The following UNC13C variants were observed in gnomAD, a reference collection of about 807,000 sequenced individuals.
UNC13C encodes unc-13 homolog C, also known as protein unc-13 homolog C.
In UNC13C, 174 loss-of-function variants were observed where a neutral mutation model predicts 245.4. The observed-to-expected ratio is 0.71, with a 90% CI of 0.63 to 0.80. The LOEUF (loss-of-function observed/expected upper bound fraction) is 0.80, where lower values mean the gene tolerates loss of function less well. Among genes scored for constraint, UNC13C ranks in the 30% least tolerant of loss-of-function variants. The pLI, the probability that UNC13C is intolerant of heterozygous loss-of-function variation, is 0.00. For synonymous variants in UNC13C, 992 were observed against 895.1 expected, an observed-to-expected ratio of 1.11 and a Z score of -1.93; for missense variants, 2,829 against 2,602.9, an observed-to-expected ratio of 1.09 and a Z score of -1.89.
upstream of UNC13C, among the ~76,000 whole-genome samples, chr15:53,976,475 C>CTTTTTTTTTTTTTTTTTTTTTT (rs879775519): frequency 6.3e-5 from 4 of 63,738 alleles, 1 homozygote; most frequent in Non-Finnish European, 3.1e-5. Flanking sequence ...CTCTCTCTCT[C>CTTTTTTTTTTTTTTTTTTTTTT]TCTTTTTTTT....
intron 23 of UNC13C, among the ~76,000 whole-genome samples, chr15:54,507,994 A>T (rs1894557883): frequency 6.6e-6 from 1 of 151,980 alleles, no homozygotes; most frequent in Admixed American, 6.6e-5. Context: ...TCTCCCTGAA[A>T]CCTCATTGAC....
At chr15:54,631,994 C>G (rs1901465461), downstream of UNC13C, 1 of 152,164 alleles carries the variant, frequency 6.6e-6, no homozygotes, top group Admixed American at 6.5e-5. Flanking sequence ...TCTTTGCAAG[C>G]ACTGGGTATC....
chr15:53,843,285 A>G, the UNC13C span, among the ~76,000 whole-genome samples: 16 of 152,162 alleles, frequency 1.1e-4, no homozygotes, highest in Middle Eastern at 6.8e-3. Flanking sequence ...ACCAAGAAAA[A>G]AAACTGCAAA....
At chr15:54,227,275 A>G (rs1419283728) in intron 4 of UNC13C, among the ~76,000 whole-genome samples, 1 of 152,122 alleles carries the variant, frequency 6.6e-6, no homozygotes, top group Admixed American at 6.5e-5. Context: ...CGGGCCTGGA[A>G]AAAGCACCAT....
chr15:54,191,219 G>C lies in UNC13C; in HGVS notation c.3072-43811G>C, dbSNP rs543001672. 3.9e-5 allele frequency among the ~76,000 whole-genome samples: 6 copies of C among 152,118 alleles called. No homozygotes were observed. The East Asian group carries it at 9.7e-4, about 25-fold the overall frequency. On this transcript the variant is annotated intron_variant, in intron 4 of 32. Coordinates refer to ENST00000260323, the MANE Select transcript of UNC13C (RefSeq NM_001080534.3). ...TCCCCTAGCCCCCCACCCCATGATA[G>C]GCCCTGGTGTGTGATGTTCCCCTCT...
At chr15:54,198,967 T>C (rs2034441742) in intron 4 of UNC13C, among the ~76,000 whole-genome samples, 1 of 151,944 alleles carries the variant, frequency 6.6e-6, no homozygotes, top group African/African-American at 2.4e-5. Flanking sequence ...ATGAAAAATC[T>C]TTAGTGAAAC....
At chr15:54,078,655 G>A (rs1023004301) in intron 2 of UNC13C, among the ~76,000 whole-genome samples, 1 of 152,038 alleles carries the variant, frequency 6.6e-6, no homozygotes, top group Non-Finnish European at 1.5e-5. Context: ...CATGTCCTTT[G>A]TCCACCTTTT....
chr15:53,940,602 C>T, the UNC13C span, among the ~76,000 whole-genome samples: 1,893 of 152,194 alleles, frequency 0.012, 36 homozygotes, highest in African/African-American at 0.043. Context: ...TTAAGCTGAT[C>T]GGCAACTTCA....
rs1170689013 is a variant in UNC13C, at chr15:54,014,067, T to C, written c.1164T>C (p.Asp388=). Residue 388 remains aspartate, a synonymous_variant, in exon 2 of 33, where the codon GAT becomes GAC. Transcript: ENST00000260323. Reference sequence around the variant, plus strand: ...ACTTTGAAACCCCTCAACAAAGGGATTCTGTCTTAAAAAAGTCATATAAAC... The same window carrying C: ...ACTTTGAAACCCCTCAACAAAGGGACTCTGTCTTAAAAAAGTCATATAAAC... ...LVYFETPQQR[D]SVLKKSYKLK... 6.2e-7 allele frequency: 1 copy of C among 1,613,808 alleles called. No individual in the cohort carries two copies. The highest frequency in any genetic ancestry group is 8.5e-7 in the Non-Finnish European group (1 of 1,179,836).
At chr15:54,092,812 T>C (rs145465115) in intron 2 of UNC13C, among the ~76,000 whole-genome samples, 2 of 152,292 alleles carry the variant, frequency 1.3e-5, no homozygotes, top group East Asian at 3.9e-4. Context: ...ATTTGTCTTT[T>C]AGTGTGGATT....
rs553742505 is a variant in UNC13C, at chr15:54,210,589, T to A, written c.3072-24441T>A. ...ATGCGTCATCACATGTCTCTTTATA[T>A]GTTTATATGTCTCTTTAAGGTCAAG... On this transcript the variant is annotated intron_variant, in intron 4 of 32. Coordinates refer to ENST00000260323, the MANE Select transcript of UNC13C (RefSeq NM_001080534.3). Among the ~76,000 whole-genome samples, 5 of 152,250 alleles carry A rather than the reference T, an allele frequency of 3.3e-5. No homozygotes were observed. In the East Asian group the frequency reaches 9.7e-4, roughly 29 times the overall value.
intron 7 of UNC13C, among the ~76,000 whole-genome samples, chr15:54,242,286 T>C (rs890699378): frequency 1.3e-5 from 2 of 152,160 alleles, no homozygotes; most frequent in African/African-American, 2.4e-5. Context: ...GTACTTATTT[T>C]GAGAGTAATT....
chr15:54,534,308 T>A, intron 26 of UNC13C, among the ~76,000 whole-genome samples: 1 of 152,178 alleles, frequency 6.6e-6, no homozygotes, highest in Middle Eastern at 3.2e-3. Flanking sequence ...AATGCCAAGT[T>A]AAGCCTTGGC....
chr15:53,963,090 G>A, the UNC13C span, among the ~76,000 whole-genome samples: 1 of 152,164 alleles, frequency 6.6e-6, no homozygotes, highest in African/African-American at 2.4e-5. Context: ...GGTAGGGTAT[G>A]TTTTAATGAC....
At chr15:54,140,007 C>A (rs867751857) in intron 2 of UNC13C, among the ~76,000 whole-genome samples, 1 of 152,034 alleles carries the variant, frequency 6.6e-6, no homozygotes, top group African/African-American at 2.4e-5. Flanking sequence ...ATAAGGGTTT[C>A]TTAATTATAT....
intron 13 of UNC13C, among the ~76,000 whole-genome samples, chr15:54,313,875 A>G (rs2037939180): frequency 6.6e-6 from 1 of 151,794 alleles, no homozygotes; most frequent in African/African-American, 2.4e-5. Context: ...CATGGAATCA[A>G]CCTAAGTGTT....
chr15:54,585,518 C>G (rs1296239774), intron 30 of UNC13C, among the ~76,000 whole-genome samples: 1 of 152,156 alleles, frequency 6.6e-6, no homozygotes, highest in East Asian at 1.9e-4. Context: ...TCGTTTATAG[C>G]AATCCAAAAT....
At chr15:54,257,750 G>T (rs902325018) in intron 8 of UNC13C, among the ~76,000 whole-genome samples, 7 of 152,228 alleles carry the variant, frequency 4.6e-5, no homozygotes, top group African/African-American at 1.7e-4. Flanking sequence ...AAAATAAGGA[G>T]TGTGTGGCTT....
At chr15:53,935,813 G>A in the UNC13C span, among the ~76,000 whole-genome samples, 1 of 152,222 alleles carries the variant, frequency 6.6e-6, no homozygotes, top group East Asian at 1.9e-4. Context: ...GAAACCCATG[G>A]AACAGGAGAC....
Sources: allele counts gnomAD v4.1 joint callset (sites outside exome capture counted in the v4.1 genomes callset), GRCh38; gene constraint gnomAD v4.1.1; transcripts MANE v1.5; gene names NCBI Gene and HGNC (gene_info 2026-07-23, HGNC 2026-07-21).